Variants in MRPS22 observed in about 807,000 individuals in gnomAD.
The protein encoded by MRPS22 is small ribosomal subunit protein mS22.
MRPS22 carries 30 observed loss-of-function variants against 44.0 expected under a neutral mutation model. The observed-to-expected ratio is 0.68, with a 90% CI of 0.51 to 0.93. The LOEUF (loss-of-function observed/expected upper bound fraction) is 0.93, where lower values mean the gene tolerates loss of function less well. Among genes scored for constraint, MRPS22 ranks in the 40% least tolerant of loss-of-function variants. MRPS22 has a pLI of 0.00. For missense variants in MRPS22, 447 were observed against 447.8 expected (o/e 1.00, Z 0.02); for synonymous variants, 165 against 154.4 (o/e 1.07, Z -0.51).
chr3:139,344,588 G>T lies in MRPS22; in HGVS notation c.172+390G>T. The stretch of plus-strand genomic sequence containing the variant: ...TTGGAAGGTCAGGGAAGGGTTCCTG[G>T]CAAATATGACCAAAGCTGAGATCTG... On this transcript the variant is annotated intron_variant, in intron 1 of 7. Coordinates refer to ENST00000680020, the MANE Select transcript of MRPS22 (RefSeq NM_020191.4). 3 of 630,638 alleles carry T rather than the reference G, an allele frequency of 4.8e-6. No homozygotes were observed. In the South Asian group the frequency reaches 5.5e-5, roughly 12 times the overall value. The allele number at this position is 630,638 out of a possible 1,614,324, so 39.1% of individuals were successfully genotyped here.
chr3:139,355,409 T>C (rs1184267956), intron 6 of MRPS22, among the ~76,000 whole-genome samples: 1 of 152,180 alleles, frequency 6.6e-6, no homozygotes, highest in Non-Finnish European at 1.5e-5. Flanking sequence ...CCAAAAAGAA[T>C]ATAGCCACAT....
chr3:139,344,695 G>A, intron 1 of MRPS22: 1 of 701,358 alleles, frequency 1.4e-6, no homozygotes, highest in Non-Finnish European at 2.6e-6. Context: ...ACTGAGCACA[G>A]ATATTTGGGA....
chr3:139,345,205 A>T (rs1439738885), intron 1 of MRPS22, among the ~76,000 whole-genome samples: 1 of 152,180 alleles, frequency 6.6e-6, no homozygotes, highest in Non-Finnish European at 1.5e-5. Flanking sequence ...CTTTTTTTCT[A>T]AATGAGGTTG....
chr3:139,350,805 T>G, intron 4 of MRPS22, 172 bp from the exon 5 acceptor site: 1 of 673,828 alleles, frequency 1.5e-6, no homozygotes, highest in Non-Finnish European at 2.7e-6. Context: ...CATAATTGGC[T>G]TAGCTGGAAT....
rs373110370 is a variant in MRPS22 at position 139,355,667 on chromosome 3, C to T, written c.879-15C>T. The stretch of plus-strand genomic sequence containing the variant: ...AAGAAAACCCCTAGATAACATTAAA[C>T]CCTTTCATTCTCAGAATCGATGATG... On this transcript the variant is annotated splice_polypyrimidine_tract_variant and intron_variant, in intron 6 of 7. Coordinates refer to ENST00000680020, the MANE Select transcript of MRPS22 (RefSeq NM_020191.4). 6 of 1,601,276 alleles carry T rather than the reference C, an allele frequency of 3.7e-6. No individual in the cohort carries two copies. Among genetic ancestry groups the T allele is most frequent in the Middle Eastern group, 1.6e-4 (1 of 6,072 alleles).
intron 2 of MRPS22, among the ~76,000 whole-genome samples, chr3:139,347,664 G>A (rs1941066378): frequency 6.6e-6 from 1 of 152,140 alleles, no homozygotes; most frequent in South Asian, 2.1e-4. Flanking sequence ...TTAAGAGAAT[G>A]GGCTTTGAAG....
At chr3:139,351,087 T>C (rs375870334) in intron 5 of MRPS22, 27 bp downstream of exon 5, 13 of 1,522,316 alleles carry the variant, frequency 8.5e-6, no homozygotes, top group South Asian at 4.5e-5. Flanking sequence ...TTCTAAAATA[T>C]AGGCTTAAGT....
At chr3:139,347,353 A>G (rs765119721) in intron 2 of MRPS22, among the ~76,000 whole-genome samples, 3 of 151,950 alleles carry the variant, frequency 2.0e-5, no homozygotes, top group Non-Finnish European at 4.4e-5. Flanking sequence ...AGAAACATCT[A>G]CTGTGATCTG....
At chr3:139,347,070 G>T in intron 2 of MRPS22, 26 bp downstream of exon 2, 1 of 1,613,508 alleles carries the variant, frequency 6.2e-7, no homozygotes, top group Non-Finnish European at 8.5e-7. Flanking sequence ...AATATTGTTA[G>T]AATACCTTTC....
At chr3:139,350,093 ATTATTC>A in intron 3 of MRPS22, 80 bp from the exon 4 acceptor site, 2 of 1,503,556 alleles carry the variant, frequency 1.3e-6, no homozygotes, top group African/African-American at 1.4e-5. Flanking sequence ...TTGATTGCAA[ATTATTC>A]TTATAATGGC....
intron 1 of MRPS22, 107 bp from the exon 2 acceptor site, chr3:139,346,771 A>C: frequency 8.7e-7 from 1 of 1,152,648 alleles, no homozygotes; most frequent in Non-Finnish European, 1.3e-6. Flanking sequence ...TGCAGTGCCA[A>C]GGTAGACATT....
At chr3:139,354,081 A>G (rs563340691) in intron 6 of MRPS22, among the ~76,000 whole-genome samples, 5 of 152,196 alleles carry the variant, frequency 3.3e-5, no homozygotes, top group African/African-American at 1.2e-4. Context: ...TTTTCCTGCT[A>G]TTCCTAGGTA....
chr3:139,349,330 T>G (rs1941105100), intron 3 of MRPS22: 1 of 451,368 alleles, frequency 2.2e-6, no homozygotes, highest in African/African-American at 2.0e-5. Context: ...ATTGGCAGTG[T>G]TGATGGAAGT....
In MRPS22 at chr3:139,350,986, A is replaced by G. The variant is rs1291053051; in HGVS notation, c.658A>G (p.Ser220Gly). ...TGCTGTGTGGTTTTAGACTATGTAT[A>G]GCCAGGACAGGCATGTTGATGTCCT... is the stretch of plus-strand genomic sequence containing the variant. ...FKEENLRTMY[S>G]QDRHVDVLNL... Residue 220 changes from serine (S) to glycine (G), a missense_variant, in exon 5 of 8, where the codon AGC (serine) becomes GGC (glycine). By Grantham distance (56) the Ser-to-Gly change is moderately conservative. Coordinates refer to ENST00000680020, the MANE Select transcript of MRPS22 (RefSeq NM_020191.4). The G allele has an allele frequency of 6.2e-7, 1 of 1,614,054 alleles. No homozygotes were observed. Among genetic ancestry groups the G allele is most frequent in the South Asian group, 1.1e-5 (1 of 91,082 alleles).
chr3:139,347,164 A>G (rs1246642674), intron 2 of MRPS22, 120 bp downstream of exon 2: 6 of 1,178,046 alleles, frequency 5.1e-6, no homozygotes, highest in Non-Finnish European at 1.3e-6. Context: ...AGGTAATACC[A>G]GGCATAGAAC....
intron 2 of MRPS22, 129 bp from the exon 3 acceptor site, chr3:139,348,031 C>A: frequency 1.0e-6 from 1 of 966,212 alleles, no homozygotes; most frequent in Non-Finnish European, 1.6e-6. Flanking sequence ...GCTTTTTACT[C>A]ACTGATTTGT....
intron 6 of MRPS22, 94 bp downstream of exon 6, chr3:139,352,886 T>A: frequency 7.8e-7 from 1 of 1,289,780 alleles, no homozygotes; most frequent in Non-Finnish European, 1.1e-6. Flanking sequence ...GATAACAGTG[T>A]ACTGTCTAGT....
chr3:139,356,205 C>T (rs2107792386), intron 7 of MRPS22, among the ~76,000 whole-genome samples: 1 of 152,286 alleles, frequency 6.6e-6, no homozygotes, highest in East Asian at 1.9e-4. Flanking sequence ...GGGAAATGGG[C>T]ATGTGTCAAG....
At chr3:139,344,304 G>C in intron 1 of MRPS22, 106 bp downstream of exon 1, 2 of 1,241,822 alleles carry the variant, frequency 1.6e-6, no homozygotes, top group South Asian at 2.6e-5. Flanking sequence ...GTATCCTAGC[G>C]CTTCCTCAGA....
Sources: allele counts gnomAD v4.1 joint callset (sites outside exome capture counted in the v4.1 genomes callset), GRCh38; gene constraint gnomAD v4.1.1; transcripts MANE v1.5; gene names NCBI Gene and HGNC (gene_info 2026-07-23, HGNC 2026-07-21).